Variants in TXNDC9 observed in about 807,000 individuals in gnomAD.
The protein encoded by TXNDC9 is thioredoxin domain containing 9, also known as thioredoxin domain-containing protein 9.
In TXNDC9, 7 loss-of-function variants were observed where a neutral mutation model predicts 23.0. That is an observed-to-expected ratio of 0.30 (90% CI 0.17 to 0.57). The LOEUF (loss-of-function observed/expected upper bound fraction) is 0.57. Among genes scored for constraint, TXNDC9 ranks in the 20% least tolerant of loss-of-function variants. The pLI is 0.90. For missense variants in TXNDC9, 198 were observed against 252.6 expected, an observed-to-expected ratio of 0.78 and a Z score of 1.47; for synonymous variants, 72 against 90.6, an observed-to-expected ratio of 0.79 and a Z score of 1.17.
chr2:99,314,529 C>CTTCTTTTT (rs2094184140), downstream of TXNDC9, among the ~76,000 whole-genome samples: 1 of 97,444 alleles, frequency 1.0e-5, no homozygotes, highest in African/African-American at 3.9e-5. Flanking sequence ...AATACTACAC[C>CTTCTTTTT]TTTTTTTTTT....
At chr2:99,308,489 TG>T in the TXNDC9 span, among the ~76,000 whole-genome samples, 1 of 152,174 alleles carries the variant, frequency 6.6e-6, no homozygotes, top group African/African-American at 2.4e-5. Flanking sequence ...TTTATATTTG[TG>T]ACTACACTGC....
At chr2:99,326,887 G>A (rs1458730460) in intron 3 of TXNDC9, among the ~76,000 whole-genome samples, 2 of 152,108 alleles carry the variant, frequency 1.3e-5, no homozygotes, top group African/African-American at 4.8e-5. Context: ...ATACTAGAGG[G>A]AAATAATTAC....
intron 3 of TXNDC9, among the ~76,000 whole-genome samples, chr2:99,324,334 T>C (rs750608722): frequency 3.5e-4 from 53 of 152,194 alleles, no homozygotes; most frequent in Non-Finnish European, 4.0e-4. Context: ...CTGAACTAAG[T>C]TTGGCTCTAA....
intron 2 of TXNDC9, among the ~76,000 whole-genome samples, chr2:99,329,550 G>A (rs967936148): frequency 1.3e-5 from 2 of 152,164 alleles, no homozygotes; most frequent in Admixed American, 1.3e-4. Context: ...GACACTTGCA[G>A]GATACCCTGA....
intron 2 of TXNDC9, among the ~76,000 whole-genome samples, chr2:99,331,202 G>A (rs969523900): frequency 2.6e-5 from 4 of 152,130 alleles, no homozygotes; most frequent in African/African-American, 7.2e-5. Context: ...TGAGTTTGTG[G>A]CAGAACCTAA....
the TXNDC9 span, among the ~76,000 whole-genome samples, chr2:99,311,595 C>T: frequency 4.6e-5 from 7 of 151,870 alleles, no homozygotes; most frequent in Admixed American, 3.3e-4. Context: ...ACACCCAGCC[C>T]TCAGGCTGGT....
chr2:99,322,237 T>A, intron 3 of TXNDC9, 28 bp from the exon 4 acceptor site: 1 of 1,591,896 alleles, frequency 6.3e-7, no homozygotes, highest in Non-Finnish European at 8.6e-7. Context: ...TAGAAAATTA[T>A]AAGCTAAAAC....
At chr2:99,327,442 A>T in intron 3 of TXNDC9, 93 bp downstream of exon 3, 1 of 893,518 alleles carries the variant, frequency 1.1e-6, no homozygotes, top group Non-Finnish European at 1.8e-6. Flanking sequence ...TTTTTCTTTT[A>T]GTTTTCTTCA....
intron 3 of TXNDC9, 90 bp downstream of exon 3, chr2:99,327,445 T>A (rs2094215188): frequency 1.1e-6 from 1 of 917,460 alleles, no homozygotes; most frequent in South Asian, 1.6e-5. Context: ...TTCTTTTAGT[T>A]TTCTTCATTT....
chr2:99,334,882 C>T (rs940006211), intron 1 of TXNDC9, among the ~76,000 whole-genome samples: 1 of 152,068 alleles, frequency 6.6e-6, no homozygotes, highest in Admixed American at 6.5e-5. Flanking sequence ...CGGCTAATTT[C>T]TTTTTGTATT....
the TXNDC9 span, among the ~76,000 whole-genome samples, chr2:99,308,328 T>C: frequency 1.3e-5 from 2 of 152,112 alleles, no homozygotes; most frequent in Non-Finnish European, 2.9e-5. Context: ...ATTCAGTGAA[T>C]AGGTATTTTC....
At chr2:99,316,457 C>T (rs1441020667), downstream of TXNDC9, among the ~76,000 whole-genome samples, 2 of 152,134 alleles carry the variant, frequency 1.3e-5, no homozygotes, top group African/African-American at 4.8e-5. Flanking sequence ...GAGTGAGCCA[C>T]AGCATTGGGC....
chr2:99,324,607 T>C (rs758297064), intron 3 of TXNDC9, among the ~76,000 whole-genome samples: 5 of 152,090 alleles, frequency 3.3e-5, no homozygotes, highest in Non-Finnish European at 1.5e-5. Context: ...GGAGTCTCGC[T>C]CTGTCGCCCA....
the TXNDC9 span, among the ~76,000 whole-genome samples, chr2:99,312,849 T>C: frequency 2.0e-5 from 3 of 152,162 alleles, no homozygotes; most frequent in Non-Finnish European, 4.4e-5. Context: ...GAAAAAATAA[T>C]TGTATAATTA....
At chr2:99,328,814 T>TAA (rs776666484) in intron 2 of TXNDC9, among the ~76,000 whole-genome samples, 2 of 133,816 alleles carry the variant, frequency 1.5e-5, no homozygotes, top group Non-Finnish European at 3.3e-5. Context: ...CGTCTCTACT[T>TAA]AAAAAAAAAA....
At chr2:99,308,101 A>G in the TXNDC9 span, among the ~76,000 whole-genome samples, 33 of 151,900 alleles carry the variant, frequency 2.2e-4, no homozygotes, top group African/African-American at 5.8e-4. Flanking sequence ...AGAAGGAAAC[A>G]TTCATGGGGA....
At chr2:99,316,129 T>G (rs2094188608), downstream of TXNDC9, among the ~76,000 whole-genome samples, 1 of 151,478 alleles carries the variant, frequency 6.6e-6, no homozygotes, top group Non-Finnish European at 1.5e-5. Context: ...TTTTTTTTTT[T>G]TTTTGTTTTA....
rs760614726 is a variant in TXNDC9 at position 99,322,074 on chromosome 2, C to T, written c.444G>A (p.Leu148=). The T allele has an allele frequency of 6.2e-7, 1 of 1,614,050 alleles. No individual in the cohort carries two copies. Among genetic ancestry groups the T allele is most frequent in the Non-Finnish European group, 8.5e-7 (1 of 1,180,038 alleles). ...AATCTTGTGTTTTCCCATCTTTTAG[C>T]AGTGCTAGTGTGGGAATGACTTTGA... The part of the protein sequence containing the change: ...LHIKVIPTLA[L]LKDGKTQDYV... Residue 148 remains leucine (L), a synonymous_variant, in exon 4 of 5, where the codon CTG becomes CTA. Coordinates refer to ENST00000264255, the MANE Select transcript of TXNDC9 (RefSeq NM_005783.4).
intron 1 of TXNDC9, 138 bp downstream of exon 1, chr2:99,336,101 C>G (rs1440893960): frequency 1.3e-6 from 1 of 773,232 alleles, no homozygotes; most frequent in African/African-American, 1.9e-5. Context: ...TCCTGGTGCG[C>G]TTGCGCAAGA....
Sources: allele counts gnomAD v4.1 joint callset (sites outside exome capture counted in the v4.1 genomes callset), GRCh38; gene constraint gnomAD v4.1.1; transcripts MANE v1.5; gene names NCBI Gene and HGNC (gene_info 2026-07-23, HGNC 2026-07-21).